NKAIN4: variants seen among roughly 807,000 people sequenced by gnomAD.
NKAIN4 encodes sodium/potassium transporting ATPase interacting 4, also known as sodium/potassium-transporting ATPase subunit beta-1-interacting protein 4.
NKAIN4 carries 28 observed loss-of-function variants against 28.8 expected under a neutral mutation model. The ratio of observed to expected loss-of-function variants is 0.97; its 90% confidence interval spans 0.72 to 1.33. The LOEUF is 1.33. Among genes scored for constraint, NKAIN4 ranks in the 40% most tolerant of loss-of-function variants. The probability of loss-of-function intolerance (pLI) is 0.00; values close to 1 mark genes in which losing one functional copy is unlikely to be tolerated. For missense variants in NKAIN4, 289 were observed against 277.2 expected (o/e 1.04, Z -0.30); for synonymous variants, 122 against 115.6 (o/e 1.06, Z -0.36).
intron 3 of NKAIN4, 104 bp from the exon 4 acceptor site, chr20:63,247,879 C>G (rs1601288726): frequency 1.1e-5 from 15 of 1,365,948 alleles, no homozygotes; most frequent in Non-Finnish European, 1.3e-5. Context: ...AGGGGAGGTC[C>G]TGTCCTCTCA....
At chr20:63,254,907 A>G (rs2123149373), upstream of NKAIN4, 1 of 154,932 alleles carries the variant, frequency 6.5e-6, no homozygotes, top group Non-Finnish European at 1.4e-5. Context: ...CGCATCCGCG[A>G]GGCGTTTTCT....
chr20:63,252,862 G>T lies in NKAIN4; in HGVS notation c.54+1535C>A. Among the ~76,000 whole-genome samples the T allele has an allele frequency of 6.6e-6, 1 of 152,132 alleles. No homozygotes were observed. Among genetic ancestry groups the T allele is most frequent in the South Asian group, 2.1e-4 (1 of 4,830 alleles). On this transcript the variant is annotated intron_variant, in intron 1 of 6. Transcript: ENST00000370316. This position sits in a 1 kb window ranked among gnomAD's most constrained non-coding sequence, Gnocchi z 4.6. ...CCCACCCGCCCCTCTGCACCCTGAG[G>T]TCACATCCGACCAGCACAGTCGTGC...
chr20:63,251,377 G>T (rs1033685421), intron 1 of NKAIN4, among the ~76,000 whole-genome samples: 4 of 152,146 alleles, frequency 2.6e-5, no homozygotes, highest in Non-Finnish European at 5.9e-5. Flanking sequence ...CTGATGTCAG[G>T]TCCTCCACAA....
Position 63,241,720 on chromosome 20 carries a change from T to G in NKAIN4, c.618-214A>C, listed in dbSNP as rs1232039666. The G allele has an allele frequency of 8.6e-6, 6 of 695,430 alleles. No homozygotes were observed. The South Asian group carries it at 9.0e-5, about 10-fold the overall frequency. 43.1% of individuals were successfully genotyped at this position (695,430 alleles called of 1,614,324 possible). Reference sequence around the variant, plus strand: ...GGCAGGTCAGCGTCTTGTGCCTGTTTGCTGACATCTCAGTGGGGTCTGGCC... The same window carrying G: ...GGCAGGTCAGCGTCTTGTGCCTGTTGGCTGACATCTCAGTGGGGTCTGGCC... On this transcript the variant is annotated intron_variant, in intron 6 of 6. Transcript: ENST00000370316.
intron 6 of NKAIN4, 29 bp downstream of exon 6, chr20:63,242,510 G>T: frequency 1.3e-6 from 2 of 1,551,382 alleles, no homozygotes; most frequent in South Asian, 1.1e-5. Flanking sequence ...CAGGCTGGCC[G>T]CAGAGCAGGT....
intron 4 of NKAIN4, among the ~76,000 whole-genome samples, chr20:63,246,191 G>A (rs954629158): frequency 6.6e-6 from 1 of 152,204 alleles, no homozygotes; most frequent in African/African-American, 2.4e-5. Context: ...GCCTCCCAAA[G>A]TGCTGGGATT....
chr20:63,253,550 G>C (rs73153545), intron 1 of NKAIN4: 58,353 of 981,244 alleles, frequency 0.059, 2,003 homozygotes, highest in South Asian at 0.16. Flanking sequence ...ACAAAGCATC[G>C]TTTCCTTTTT....
Position 63,245,597 on chromosome 20 carries a change from C to T in NKAIN4, c.472-1513G>A, listed in dbSNP as rs2066841842. On this transcript the variant is annotated intron_variant, in intron 4 of 6. Transcript: ENST00000370316. The surrounding 1 kb of genome is among the most constrained non-coding windows in gnomAD (Gnocchi z 4.7). Reference sequence around the variant, plus strand: ...TGCATGGAGGCCTGGGATCTGCAGGCCCCGCACCCCAACCCCCAGAGCCTG... The same window carrying T: ...TGCATGGAGGCCTGGGATCTGCAGGTCCCGCACCCCAACCCCCAGAGCCTG... 6.6e-6 allele frequency among the ~76,000 whole-genome samples: 1 copy of T among 152,190 alleles called. No homozygotes were observed. Among genetic ancestry groups the T allele is most frequent in the South Asian group, 2.1e-4 (1 of 4,822 alleles).
chr20:63,243,898 C>G, intron 5 of NKAIN4, 126 bp downstream of exon 5: 2 of 749,348 alleles, frequency 2.7e-6, no homozygotes, highest in South Asian at 3.5e-5. Context: ...GTGAGCAAGG[C>G]CCTGCTGGGC....
At chr20:63,243,905 G>A (rs2066807885) in intron 5 of NKAIN4, 119 bp downstream of exon 5, 3 of 786,408 alleles carry the variant, frequency 3.8e-6, no homozygotes, top group Middle Eastern at 2.4e-4. Flanking sequence ...AGGCCCTGCT[G>A]GGCGTGAGGT....
At position 63,247,656 on chromosome 20, in the gene NKAIN4, G is replaced by A; in HGVS notation, c.393C>T (p.Ala131=). Residue 131 remains alanine, a synonymous_variant, in exon 4 of 7, where the codon GCC becomes GCT. Coordinates refer to ENST00000370316, the MANE Select transcript of NKAIN4 (RefSeq NM_152864.4). ...GGGCACAGCCAGCACCTGACACCAGGGCCTGGCCATGGGGGGCCCCGAGGC... is the reference window on the plus strand; with the variant it reads ...GGGCACAGCCAGCACCTGACACCAGAGCCTGGCCATGGGGGGCCCCGAGGC... ...AVGLGAPHGQ[A]LVSGAGCALE... is the part of the protein sequence containing the mutation. 6.5e-7 allele frequency: 1 copy of A among 1,547,376 alleles called. No homozygotes were observed. Among genetic ancestry groups the A allele is most frequent in the Non-Finnish European group, 8.7e-7 (1 of 1,145,280 alleles).
chr20:63,241,309 T>G lies in NKAIN4; in HGVS notation c.*188A>C. 5.0e-6 allele frequency: 3 copies of G among 594,706 alleles called. No individual in the cohort carries two copies. The Admixed American group carries it at 9.4e-5, about 19-fold the overall frequency. 36.8% of individuals were successfully genotyped at this position (594,706 alleles called of 1,614,324 possible). ...AGGAAATTACAAACTCTCTTGACGC[T>G]GCAGCCAGCCGTGGCACTGCCCTGC... is the stretch of plus-strand genomic sequence containing the variant. On this transcript the variant is annotated 3_prime_UTR_variant, in exon 7 of 7. Coordinates refer to ENST00000370316, the MANE Select transcript of NKAIN4 (RefSeq NM_152864.4).
chr20:63,242,399 G>T (rs1295999125), intron 6 of NKAIN4, 140 bp downstream of exon 6: 2 of 719,448 alleles, frequency 2.8e-6, no homozygotes, highest in Non-Finnish European at 5.0e-6. Context: ...TGTTAGAAAA[G>T]TGAGAGTGGA....
rs1442050356 is a variant in NKAIN4, at chr20:63,241,360, G to C, written c.*137C>G. 2 of 839,420 alleles carry C rather than the reference G, an allele frequency of 2.4e-6. No individual in the cohort carries two copies. The highest frequency in any genetic ancestry group is 3.4e-5 in the African/African-American group (2 of 59,376). 52.0% of individuals were successfully genotyped at this position (839,420 alleles called of 1,614,324 possible). On this transcript the variant is annotated 3_prime_UTR_variant, in exon 7 of 7. Transcript: ENST00000370316. ...CGCCCTGGCTGGTGTCCAGTACTTAGAACCCAGGGCAGGTGCTGCCGGCCG... is the reference window on the plus strand; with the variant it reads ...CGCCCTGGCTGGTGTCCAGTACTTACAACCCAGGGCAGGTGCTGCCGGCCG...
intron 4 of NKAIN4, chr20:63,247,313 A>C (rs1601286268): frequency 7.1e-7 from 1 of 1,416,792 alleles, no homozygotes. Context: ...CCCACTCCCC[A>C]CAGCAAACAC....
chr20:63,241,851 C>G (rs995441386), intron 6 of NKAIN4: 2 of 440,296 alleles, frequency 4.5e-6, no homozygotes, highest in Non-Finnish European at 8.7e-6. Context: ...TTCCCCTGTT[C>G]TCTGACATGG....
intron 4 of NKAIN4, among the ~76,000 whole-genome samples, chr20:63,244,812 CGA>C (rs1372511245): frequency 2.0e-5 from 3 of 152,164 alleles, no homozygotes; most frequent in Non-Finnish European, 4.4e-5. Flanking sequence ...ACAGCATGAG[CGA>C]GAGGGCCTGG....
chr20:63,241,567 G>T (rs879372468), intron 6 of NKAIN4, 61 bp from the exon 7 acceptor site: 91 of 1,450,434 alleles, frequency 6.3e-5, no homozygotes, highest in Non-Finnish European at 8.1e-5. Flanking sequence ...ACTGGGGGCT[G>T]CCACCCCCTC....
intron 1 of NKAIN4, among the ~76,000 whole-genome samples, chr20:63,250,750 A>G (rs79931870): frequency 0.046 from 7,068 of 152,140 alleles, 337 homozygotes; most frequent in African/African-American, 0.13. Context: ...TATTTAGGAG[A>G]CCAAGAAAAC....
Sources: allele counts gnomAD v4.1 joint callset (sites outside exome capture counted in the v4.1 genomes callset), GRCh38; gene constraint gnomAD v4.1.1; non-coding constraint Gnocchi (gnomAD v3.1); transcripts MANE v1.5; gene names NCBI Gene and HGNC (gene_info 2026-07-23, HGNC 2026-07-21).